ST7: variants seen among roughly 807,000 people sequenced by gnomAD.
ST7 encodes the protein suppressor of tumorigenicity 7 protein.
ST7 carries 28 observed loss-of-function variants against 78.7 expected under a neutral mutation model. The observed-to-expected ratio is 0.36, with a 90% confidence interval of 0.26 to 0.49. The LOEUF is 0.49. Among genes scored for constraint, ST7 ranks in the 20% least tolerant of loss-of-function variants. The pLI, the probability that ST7 is intolerant of heterozygous loss-of-function variation, is 0.99. For missense variants in ST7, 418 were observed against 696.0 expected (o/e 0.60, Z 4.49); for synonymous variants, 247 against 249.6 (o/e 0.99, Z 0.10).
At chr7:117,141,365 T>C (rs1805282590) in intron 9 of ST7, among the ~76,000 whole-genome samples, 1 of 151,962 alleles carries the variant, frequency 6.6e-6, no homozygotes, top group Non-Finnish European at 1.5e-5. Context: ...TAAAAAAAAA[T>C]GAAAGGGAAT....
intron 9 of ST7, chr7:117,145,253 G>T (rs1194986546): frequency 6.6e-6 from 1 of 152,112 alleles, no homozygotes; most frequent in Non-Finnish European, 1.5e-5. Flanking sequence ...TGGATGTGGT[G>T]AAGAAAAACT....
At chr7:117,108,720 T>C (rs919268945) in intron 2 of ST7, among the ~76,000 whole-genome samples, 1 of 152,222 alleles carries the variant, frequency 6.6e-6, no homozygotes, top group Non-Finnish European at 1.5e-5. Flanking sequence ...TACCCATCCA[T>C]GAGCATGGGA....
chr7:117,021,788 G>C (rs1795926656), intron 1 of ST7, among the ~76,000 whole-genome samples: 1 of 152,150 alleles, frequency 6.6e-6, no homozygotes, highest in African/African-American at 2.4e-5. Flanking sequence ...AATAGTGACA[G>C]GTAATGTCCC....
intron 1 of ST7, among the ~76,000 whole-genome samples, chr7:117,051,032 G>C (rs1212966227): frequency 6.6e-6 from 1 of 151,326 alleles, no homozygotes; most frequent in Non-Finnish European, 1.5e-5. Context: ...GTTTATTGCA[G>C]AAAATTTGCG....
chr7:117,011,070 G>A (rs1255276150), intron 1 of ST7, among the ~76,000 whole-genome samples: 1 of 152,204 alleles, frequency 6.6e-6, no homozygotes, highest in African/African-American at 2.4e-5. Flanking sequence ...CCTAAGAGGT[G>A]TGACCCACCA....
chr7:117,002,106 T>C (rs1394671874), intron 1 of ST7, among the ~76,000 whole-genome samples: 1 of 152,002 alleles, frequency 6.6e-6, no homozygotes, highest in East Asian at 2.0e-4. Context: ...TGCATGCCTA[T>C]AGTCCCAGCT....
At chr7:117,162,663 C>G (rs1380378619) in intron 9 of ST7, among the ~76,000 whole-genome samples, 1 of 151,748 alleles carries the variant, frequency 6.6e-6, no homozygotes, top group South Asian at 2.1e-4. Flanking sequence ...TCTGCCAAAC[C>G]AGCTGTGTGT....
chr7:117,163,274 T>C (rs1307434170), intron 9 of ST7, among the ~76,000 whole-genome samples: 6 of 152,192 alleles, frequency 3.9e-5, no homozygotes, highest in Non-Finnish European at 7.4e-5. Context: ...ACTAATTTCC[T>C]TTCCTTTGGA....
At chr7:117,093,707 A>G (rs1036083026) in intron 1 of ST7, among the ~76,000 whole-genome samples, 53 of 152,116 alleles carry the variant, frequency 3.5e-4, no homozygotes, top group African/African-American at 1.2e-3. Context: ...TCTCAAAAAA[A>G]CAACAACAAC....
At chr7:117,102,186 T>C (rs1011603531) in intron 2 of ST7, among the ~76,000 whole-genome samples, 1 of 152,218 alleles carries the variant, frequency 6.6e-6, no homozygotes, top group Admixed American at 6.5e-5. Flanking sequence ...TGATAGTGTA[T>C]GGTAGTGTTA....
intron 1 of ST7, among the ~76,000 whole-genome samples, chr7:117,043,410 TTGTGGCCTAAGAA>T (rs1357498457): frequency 2.6e-5 from 4 of 152,224 alleles, no homozygotes; most frequent in African/African-American, 9.6e-5. Flanking sequence ...AGTTTTTCCA[TTGTGGCCTAAGAA>T]TATTCTGTCT....
At chr7:116,972,481 T>C (rs1585067734) in intron 1 of ST7, 8 of 868,026 alleles carry the variant, frequency 9.2e-6, no homozygotes, top group Non-Finnish European at 1.5e-5. Flanking sequence ...AGTTTGTTCC[T>C]CTGTGCGTTC....
intron 1 of ST7, among the ~76,000 whole-genome samples, chr7:116,995,812 T>C (rs1340287217): frequency 1.3e-5 from 2 of 152,238 alleles, no homozygotes; most frequent in Non-Finnish European, 2.9e-5. Flanking sequence ...CAAGGAAAGT[T>C]GAAAACGTCA....
At chr7:116,989,953 G>C (rs1308138432) in intron 1 of ST7, among the ~76,000 whole-genome samples, 1 of 152,028 alleles carries the variant, frequency 6.6e-6, no homozygotes, top group African/African-American at 2.4e-5. Context: ...TTGTTTGTTT[G>C]TTTTTGAGAC....
At chr7:116,966,799 A>T (rs375174002) in intron 1 of ST7, among the ~76,000 whole-genome samples, 23 of 152,334 alleles carry the variant, frequency 1.5e-4, no homozygotes, top group African/African-American at 5.5e-4. Flanking sequence ...TTCACCTTGC[A>T]TTTAATTGAA....
intron 1 of ST7, among the ~76,000 whole-genome samples, chr7:117,053,377 G>A (rs561504040): frequency 2.0e-5 from 3 of 152,274 alleles, no homozygotes; most frequent in African/African-American, 7.2e-5. Flanking sequence ...AGTTAAACAC[G>A]GACTACTCTT....
rs541058820 is a variant in ST7 at position 117,037,104 on chromosome 7, C to T, written c.152-62658C>T. 4.6e-5 allele frequency among the ~76,000 whole-genome samples: 7 copies of T among 152,214 alleles called. 1 individual carries two copies. The South Asian group carries it at 6.2e-4, about 14-fold the overall frequency. ...CTGCCATGGAAGTCGCATGGACAAC[C>T]GGAGCAGTTGCCTGAGCCACGTTTT... On this transcript the variant is annotated intron_variant, in intron 1 of 15. Coordinates refer to ENST00000323984, the MANE Select transcript of ST7 (RefSeq NM_001369598.1).
chr7:117,153,400 T>C (rs1003430182), intron 9 of ST7, among the ~76,000 whole-genome samples: 1 of 151,960 alleles, frequency 6.6e-6, no homozygotes. Flanking sequence ...GGGAGGTGAT[T>C]TAGATAGTGA....
chr7:117,198,477 G>A lies in ST7; in HGVS notation c.1254+7541G>A, dbSNP rs188857907. 32 of 330,520 alleles carry A rather than the reference G, an allele frequency of 9.7e-5. No individual in the cohort carries two copies. The Admixed American group carries it at 1.2e-3, about 12-fold the overall frequency. The allele number at this position is 330,520 out of a possible 1,614,324, so 20.5% of individuals were successfully genotyped here. A position where few individuals can be genotyped will look rare whatever the true frequency, so the allele number is the denominator to read the frequency against. ...CCCTTCAGGCCTCCAGATTTGAGGG[G>A]AGGCTCTAGCATGTTCTGGCTGCAG... On this transcript the variant is annotated intron_variant, in intron 12 of 15. Coordinates refer to ENST00000323984, the MANE Select transcript of ST7 (RefSeq NM_001369598.1).
Sources: allele counts gnomAD v4.1 joint callset (sites outside exome capture counted in the v4.1 genomes callset), GRCh38; gene constraint gnomAD v4.1.1; transcripts MANE v1.5; gene names NCBI Gene and HGNC (gene_info 2026-07-23, HGNC 2026-07-21).